The following TBC1D15 variants were observed in gnomAD, a reference collection of about 807,000 sequenced individuals.
TBC1D15 encodes TBC1 domain family member 15, also known as GAP for RAB7.
Under a neutral mutation model 95.4 loss-of-function variants are expected in TBC1D15, and 39 were observed. The ratio of observed to expected loss-of-function variants is 0.41; its 90% confidence interval spans 0.32 to 0.53. The LOEUF (loss-of-function observed/expected upper bound fraction) is 0.53, where lower values mean the gene tolerates loss of function less well. TBC1D15 is among the 20% of genes least tolerant of loss of function. The pLI is 0.29. For missense variants in TBC1D15, 733 were observed against 794.3 expected (o/e 0.92, Z 0.93); for synonymous variants, 258 against 261.3 (o/e 0.99, Z 0.12).
At chr12:71,877,293 G>T (rs1894089392) in intron 3 of TBC1D15, among the ~76,000 whole-genome samples, 1 of 147,744 alleles carries the variant, frequency 6.8e-6, no homozygotes, top group Non-Finnish European at 1.5e-5. Flanking sequence ...ATGTGCCTTT[G>T]TGGATTTGTT....
chr12:71,894,743 T>C lies in TBC1D15; in HGVS notation c.715T>C (p.Tyr239His). ...TMIGFSKVTN[Y>H]IFDSLRGSDP... ...GATAGGATTTTCCAAAGTCACAAAC[T>C]ACATTTTTGACAGTTTGAGAGGCAG... Residue 239 changes from tyrosine (Y) to histidine (H), a missense_variant, in exon 7 of 17, where the codon TAC becomes CAC. By Grantham distance (83) the Tyr-to-His change is moderately conservative. Transcript: ENST00000485960. 6.2e-7 allele frequency: 1 copy of C among 1,613,244 alleles called. No homozygotes were observed. Among genetic ancestry groups the C allele is most frequent in the African/African-American group, 1.3e-5 (1 of 74,996 alleles).
At chr12:71,911,710 A>C (rs1173004349) in intron 11 of TBC1D15, among the ~76,000 whole-genome samples, 367 of 131,154 alleles carry the variant, frequency 2.8e-3, no homozygotes, top group South Asian at 3.2e-3. Flanking sequence ...CCAGCATGGC[A>C]CATGTATACA....
intron 11 of TBC1D15, among the ~76,000 whole-genome samples, chr12:71,913,017 C>T (rs900235173): frequency 3.3e-5 from 5 of 151,866 alleles, no homozygotes; most frequent in Non-Finnish European, 7.4e-5. Flanking sequence ...AAAACTAACA[C>T]TTTTTCTTAT....
In TBC1D15 at chr12:71,852,518, T is replaced by C. The variant is rs114198593; in HGVS notation, c.30+12707T>C. Among the ~76,000 whole-genome samples the C allele has an allele frequency of 9.7e-3, 1,482 of 152,344 alleles. 30 individuals carry two copies. Among genetic ancestry groups the C allele is most frequent in the African/African-American group, 0.033 (1,386 of 41,568 alleles). Reference sequence around the variant, plus strand: ...TGGCCAGGATGCAAATTTTCTAAACTTTTATGTCCTGCTTACCTTTTAAAT... The same window carrying C: ...TGGCCAGGATGCAAATTTTCTAAACCTTTATGTCCTGCTTACCTTTTAAAT... On this transcript the variant is annotated intron_variant, in intron 1 of 16. Coordinates refer to ENST00000485960, the MANE Select transcript of TBC1D15 (RefSeq NM_001146213.3).
At position 71,899,583 on chromosome 12, in the gene TBC1D15, G is replaced by A. The variant is rs187726727; in HGVS notation, c.1183+1642G>A. Among the ~76,000 whole-genome samples the A allele has an allele frequency of 3.8e-3, 586 of 152,256 alleles. 3 individuals are homozygous for A. The highest frequency in any genetic ancestry group is 0.016 in the South Asian group (79 of 4,828). ...TTACTTTTATTAAAAGCAAAACTAC[G>A]CAGTAAGCTTTAGGTCTTGCATACA... is the stretch of plus-strand genomic sequence containing the variant. On this transcript the variant is annotated intron_variant, in intron 10 of 16. Transcript: ENST00000485960.
In TBC1D15 at chr12:71,923,681, T is replaced by G. The variant is rs1364958824; in HGVS notation, c.*477T>G. 2 of 154,474 alleles carry G rather than the reference T, an allele frequency of 1.3e-5. No individual in the cohort carries two copies. Among genetic ancestry groups the G allele is most frequent in the Non-Finnish European group, 2.9e-5 (2 of 69,300 alleles). The allele number at this position is 154,474 out of a possible 1,614,324, so 9.6% of individuals were successfully genotyped here. On this transcript the variant is annotated 3_prime_UTR_variant, in exon 17 of 17. Coordinates refer to ENST00000485960, the MANE Select transcript of TBC1D15 (RefSeq NM_001146213.3). The stretch of plus-strand genomic sequence containing the variant: ...CTATTGTTTACGACAGTACTCAGCT[T>G]AAATATTTATGCTGGTCAAATGTGA...
At chr12:71,876,028 C>T (rs1177959543) in intron 3 of TBC1D15, among the ~76,000 whole-genome samples, 1 of 151,962 alleles carries the variant, frequency 6.6e-6, no homozygotes, top group Non-Finnish European at 1.5e-5. Context: ...CTCCTGACCT[C>T]GTGATCTGCC....
chr12:71,916,838 A>G lies in TBC1D15; in HGVS notation c.1402-860A>G, dbSNP rs117399734. Among the ~76,000 whole-genome samples the G allele has an allele frequency of 8.9e-4, 136 of 152,234 alleles. 1 individual carries two copies. The highest frequency in any genetic ancestry group is 1.6e-3 in the Admixed American group (25 of 15,284). On this transcript the variant is annotated intron_variant, in intron 12 of 16. Transcript: ENST00000485960. ...GCATATGAACCCCAGCAGTTCCCAAACTTTGTGACCTCAGGGCCCCTTCAC... is the reference window on the plus strand; with the variant it reads ...GCATATGAACCCCAGCAGTTCCCAAGCTTTGTGACCTCAGGGCCCCTTCAC...
chr12:71,892,292 A>G (rs1228237584), intron 5 of TBC1D15, among the ~76,000 whole-genome samples: 1 of 152,040 alleles, frequency 6.6e-6, no homozygotes, highest in Admixed American at 6.6e-5. Context: ...TTTCATATCC[A>G]CTCTAGCATT....
chr12:71,873,416 ATAT>A (rs1372118662), intron 3 of TBC1D15, among the ~76,000 whole-genome samples: 1 of 152,164 alleles, frequency 6.6e-6, no homozygotes, highest in Non-Finnish European at 1.5e-5. Context: ...TTGATGAATA[ATAT>A]TGTGTATACC....
At chr12:71,914,151 G>A (rs1022988370) in intron 12 of TBC1D15, among the ~76,000 whole-genome samples, 2 of 151,752 alleles carry the variant, frequency 1.3e-5, no homozygotes, top group Non-Finnish European at 2.9e-5. Flanking sequence ...GGAATAATCA[G>A]GATTTAATAT....
At chr12:71,871,334 C>T (rs1892633055) in intron 1 of TBC1D15, among the ~76,000 whole-genome samples, 1 of 152,114 alleles carries the variant, frequency 6.6e-6, no homozygotes, top group African/African-American at 2.4e-5. Flanking sequence ...GAGTCTCCAT[C>T]ACTACTCTGT....
At chr12:71,917,398 A>G (rs958022638) in intron 12 of TBC1D15, among the ~76,000 whole-genome samples, 1 of 152,198 alleles carries the variant, frequency 6.6e-6, no homozygotes, top group Non-Finnish European at 1.5e-5. Flanking sequence ...TCTTTCACCA[A>G]GTCTTTTATG....
intron 3 of TBC1D15, among the ~76,000 whole-genome samples, chr12:71,875,912 C>T (rs1238943890): frequency 1.3e-5 from 2 of 152,036 alleles, no homozygotes; most frequent in African/African-American, 2.4e-5. Context: ...ATTTTTCTGC[C>T]TCAGCCTCTC....
chr12:71,880,756 T>C, intron 4 of TBC1D15, 149 bp downstream of exon 4: 5 of 848,598 alleles, frequency 5.9e-6, no homozygotes, highest in Non-Finnish European at 8.2e-6. Flanking sequence ...TTAGTTATAT[T>C]CCCTTTTCAT....
chr12:71,903,347 T>C (rs1899900664), intron 10 of TBC1D15, among the ~76,000 whole-genome samples: 1 of 152,196 alleles, frequency 6.6e-6, no homozygotes, highest in Non-Finnish European at 1.5e-5. Flanking sequence ...TGATGGCTGT[T>C]ACTAAAAAGT....
chr12:71,908,819 A>G (rs1566059858), intron 11 of TBC1D15, among the ~76,000 whole-genome samples: 1 of 152,162 alleles, frequency 6.6e-6, no homozygotes. Flanking sequence ...GAGTAAGGTT[A>G]TTTTGATTCA....
chr12:71,909,737 C>G (rs973050056), intron 11 of TBC1D15, among the ~76,000 whole-genome samples: 1 of 151,934 alleles, frequency 6.6e-6, no homozygotes, highest in Admixed American at 6.6e-5. Flanking sequence ...TCGCCTGCCC[C>G]CCACTGCCTA....
chr12:71,839,793 G>C lies in TBC1D15; in HGVS notation c.12G>C (p.Ala4=), dbSNP rs372120930. 1.9e-6 allele frequency: 3 copies of C among 1,614,080 alleles called. No homozygotes were observed. The highest frequency in any genetic ancestry group is 1.7e-5 in the Admixed American group (1 of 60,010). ...CACGCGCAGGAAACATGGCGGCGGC[G>C]GGTGTTGTGAGCGGGAAGGTAGGTA... MAA[A]GVVSGKIIYE... Residue 4 remains alanine, a synonymous_variant, in exon 1 of 17, where the codon GCG becomes GCC. Coordinates refer to ENST00000485960, the MANE Select transcript of TBC1D15 (RefSeq NM_001146213.3).
Sources: allele counts gnomAD v4.1 joint callset (sites outside exome capture counted in the v4.1 genomes callset), GRCh38; gene constraint gnomAD v4.1.1; transcripts MANE v1.5; gene names NCBI Gene and HGNC (gene_info 2026-07-23, HGNC 2026-07-21).